RAD54B: variants seen among roughly 807,000 people sequenced by gnomAD.
The protein encoded by RAD54B is RAD54 homolog B, also known as DNA repair and recombination protein RAD54B.
RAD54B carries 78 observed loss-of-function variants against 95.8 expected under a neutral mutation model. That is an observed-to-expected ratio of 0.81 (90% CI 0.68 to 0.98). RAD54B has a LOEUF of 0.98. Among genes scored for constraint, RAD54B ranks in the 50% least tolerant of loss-of-function variants. The pLI is 0.00. For synonymous variants in RAD54B, 328 were observed against 354.9 expected (o/e 0.92, Z 0.85); for missense variants, 957 against 1,056.6 (o/e 0.91, Z 1.31).
At chr8:94,465,448 C>T (rs1406167348) in intron 2 of RAD54B, among the ~76,000 whole-genome samples, 1 of 152,122 alleles carries the variant, frequency 6.6e-6, no homozygotes. Flanking sequence ...ATCAGAACCA[C>T]AGTGAAATAC....
chr8:94,396,699 A>T (rs1188115973), intron 8 of RAD54B, among the ~76,000 whole-genome samples: 1 of 152,140 alleles, frequency 6.6e-6, no homozygotes, highest in Non-Finnish European at 1.5e-5. Context: ...TATAATAATC[A>T]TTCAGCTCTT....
rs941258942 is a variant in RAD54B, at chr8:94,429,142, T to C, written c.305-17827A>G. The C allele has an allele frequency of 1.4e-5, 14 of 972,296 alleles. No individual in the cohort carries two copies. The African/African-American group carries it at 2.3e-4, about 16-fold the overall frequency. The allele number at this position is 972,296 out of a possible 1,614,324, so 60.2% of individuals were successfully genotyped here. ...ACTCAAAGAGTGTGATTCTGGTGTT[T>C]AAAAATATGTAAAAATAGGTTTCTT... On this transcript the variant is annotated intron_variant, in intron 3 of 14. Transcript: ENST00000336148.
intron 11 of RAD54B, among the ~76,000 whole-genome samples, chr8:94,382,152 C>T (rs1313913963): frequency 6.6e-6 from 1 of 151,598 alleles, no homozygotes; most frequent in East Asian, 1.9e-4. Context: ...AGGATATCTC[C>T]CAGACATGGA....
chr8:94,439,874 A>T (rs1306350076), intron 3 of RAD54B, among the ~76,000 whole-genome samples: 3 of 152,160 alleles, frequency 2.0e-5, no homozygotes, highest in Admixed American at 6.5e-5. Flanking sequence ...AACAGGTTGT[A>T]TATTGTTTAT....
chr8:94,374,972 C>A lies in RAD54B; in HGVS notation c.2516-2585G>T, dbSNP rs184345673. On this transcript the variant is annotated intron_variant, in intron 14 of 14. Coordinates refer to ENST00000336148, the MANE Select transcript of RAD54B (RefSeq NM_012415.3). ...AGAGAATAGCAAATTAAAACTATAC[C>A]AATATATTATTTTCTTACTATCAGA... Among the ~76,000 whole-genome samples the A allele has an allele frequency of 7.8e-3, 1,181 of 152,098 alleles. 11 individuals are homozygous for A. The highest frequency in any genetic ancestry group is 0.027 in the African/African-American group (1,110 of 41,470).
chr8:94,473,302 G>T (rs775145323), intron 1 of RAD54B, among the ~76,000 whole-genome samples: 2 of 152,308 alleles, frequency 1.3e-5, no homozygotes, highest in Middle Eastern at 3.4e-3. Flanking sequence ...GCTGACAACT[G>T]TAATACACCA....
intron 1 of RAD54B, chr8:94,467,924 T>C (rs9297938): frequency 0.053 from 8,461 of 161,098 alleles, 264 homozygotes; most frequent in African/African-American, 0.081. Flanking sequence ...TACTGTCTAC[T>C]GGCACACAGA....
chr8:94,474,975 C>T (rs978283148), intron 1 of RAD54B, 26 bp downstream of exon 1: 1 of 152,466 alleles, frequency 6.6e-6, no homozygotes, highest in African/African-American at 2.4e-5. Context: ...GTCGCAGCCT[C>T]CCGAGCTTCC....
chr8:94,378,726 G>T (rs1428850719), intron 12 of RAD54B, 92 bp from the exon 13 acceptor site: 7 of 863,414 alleles, frequency 8.1e-6, no homozygotes, highest in East Asian at 5.1e-5. Flanking sequence ...TTAAAATTCG[G>T]AATTCTATAT....
At chr8:94,407,060 C>T (rs1429846353) in intron 5 of RAD54B, among the ~76,000 whole-genome samples, 1 of 152,120 alleles carries the variant, frequency 6.6e-6, no homozygotes, top group East Asian at 1.9e-4. Flanking sequence ...TCAAGGCATA[C>T]AGTCCTCAAA....
chr8:94,420,531 A>T (rs534867597), intron 3 of RAD54B, among the ~76,000 whole-genome samples: 3 of 152,122 alleles, frequency 2.0e-5, no homozygotes, highest in African/African-American at 7.2e-5. Context: ...AAGAGCTCTT[A>T]ACAAGGTCAC....
At position 94,380,503 on chromosome 8, in the gene RAD54B, T is replaced by C. The variant is rs2306823; in HGVS notation, c.1986-97A>G. ...TACCACAATAATATTATCACTGACA[T>C]TGAGAGAACATGCAACAATGACCTT... is the stretch of plus-strand genomic sequence containing the variant. On this transcript the variant is annotated intron_variant, in intron 11 of 14. Transcript: ENST00000336148. 7.6e-5 allele frequency: 93 copies of C among 1,218,510 alleles called. 1 individual carries two copies. The East Asian group carries it at 2.3e-3, about 30-fold the overall frequency. The allele number at this position is 1,218,510 out of a possible 1,614,324, so 75.5% of individuals were successfully genotyped here. A position where few individuals can be genotyped will look rare whatever the true frequency, so the allele number is the denominator to read the frequency against.
At chr8:94,449,670 C>G (rs569025428) in intron 3 of RAD54B, among the ~76,000 whole-genome samples, 1 of 151,918 alleles carries the variant, frequency 6.6e-6, no homozygotes, top group South Asian at 2.1e-4. Context: ...ATAACCCAAC[C>G]TCCTAGAAAT....
chr8:94,439,646 T>C (rs1245173885), intron 3 of RAD54B, among the ~76,000 whole-genome samples: 1 of 125,658 alleles, frequency 8.0e-6, no homozygotes, highest in Non-Finnish European at 1.6e-5. Flanking sequence ...AGAAATACAT[T>C]GGTTTAGTTC....
At chr8:94,426,358 C>A (rs1483390164) in intron 3 of RAD54B, among the ~76,000 whole-genome samples, 1 of 151,896 alleles carries the variant, frequency 6.6e-6, no homozygotes, top group East Asian at 1.9e-4. Flanking sequence ...AAGGTTAAGT[C>A]TGTATGGTTC....
chr8:94,407,933 A>G (rs1236553186), intron 4 of RAD54B, among the ~76,000 whole-genome samples: 4 of 152,180 alleles, frequency 2.6e-5, no homozygotes, highest in Non-Finnish European at 5.9e-5. Context: ...TAGAGAAAGC[A>G]AGAATTTTTT....
intron 10 of RAD54B, among the ~76,000 whole-genome samples, chr8:94,390,749 C>T (rs1810998956): frequency 6.6e-6 from 1 of 151,684 alleles, no homozygotes; most frequent in South Asian, 2.1e-4. Flanking sequence ...GTTGACCATC[C>T]TTTATCCAAA....
At chr8:94,384,525 GTTTTGTTTGCAAAACTGAAA>G in intron 11 of RAD54B, among the ~76,000 whole-genome samples, 2 of 6,320 alleles carry the variant, frequency 3.2e-4, no homozygotes, top group South Asian at 0.013. Flanking sequence ...ATAGATTTCA[GTTTTGTTTGCAAAACTGAAA>G]TAGTATTTCA....
At chr8:94,374,626 T>C (rs2129937781) in intron 14 of RAD54B, among the ~76,000 whole-genome samples, 1 of 151,968 alleles carries the variant, frequency 6.6e-6, no homozygotes, top group Non-Finnish European at 1.5e-5. Context: ...AGAAAACTAG[T>C]GTAATATGTT....
Sources: allele counts gnomAD v4.1 joint callset (sites outside exome capture counted in the v4.1 genomes callset), GRCh38; gene constraint gnomAD v4.1.1; transcripts MANE v1.5; gene names NCBI Gene and HGNC (gene_info 2026-07-23, HGNC 2026-07-21).